Variants in LONP2 observed in about 807,000 individuals in gnomAD.
LONP2 encodes lon peptidase 2, peroxisomal.
A neutral mutation model predicts 85.6 loss-of-function variants in LONP2; 60 were observed. The ratio of observed to expected loss-of-function variants is 0.70; its 90% CI spans 0.57 to 0.87. The LOEUF is 0.87. Among genes scored for constraint, LONP2 ranks in the 40% least tolerant of loss-of-function variants. The probability of loss-of-function intolerance (pLI) is 0.00; values close to 1 mark genes in which losing one functional copy is unlikely to be tolerated. For synonymous variants in LONP2, 395 were observed against 389.7 expected (o/e 1.01, Z -0.16); for missense variants, 860 against 1,063.5 (o/e 0.81, Z 2.66).
At position 48,347,550 on chromosome 16, in the gene LONP2, C is replaced by T; in HGVS notation, c.1982C>T (p.Ala661Val). The T allele has an allele frequency of 6.2e-7, 1 of 1,614,242 alleles. No individual in the cohort carries two copies. The highest frequency in any genetic ancestry group is 1.6e-4 in the Middle Eastern group (1 of 6,062). ...LSQPGVAIGL[A>V]WTPLGGEIMF... ...CAGCCAGGAGTAGCAATAGGTTTGG[C>T]TTGGACTCCCTTAGGTGGAGAAATC... The change falls in exon 13 of 15, where the codon GCT becomes GTT. Residue 661 changes from alanine to valine, a missense_variant. Ala to Val is a moderately conservative substitution (Grantham distance 64). Transcript: ENST00000285737.
intron 12 of LONP2, among the ~76,000 whole-genome samples, chr16:48,339,529 G>C (rs139005541): frequency 8.4e-4 from 128 of 152,342 alleles, no homozygotes; most frequent in African/African-American, 2.9e-3. Flanking sequence ...GAGGCAGCTA[G>C]AAGAGAATAT....
At chr16:48,289,250 C>T (rs551724187) in intron 8 of LONP2, among the ~76,000 whole-genome samples, 2 of 152,194 alleles carry the variant, frequency 1.3e-5, no homozygotes, top group East Asian at 1.9e-4. Flanking sequence ...CTCAGGAGGT[C>T]CTGACGACAC....
intron 11 of LONP2, among the ~76,000 whole-genome samples, chr16:48,317,082 A>T (rs1419215136): frequency 1.3e-5 from 2 of 152,168 alleles, no homozygotes; most frequent in Non-Finnish European, 2.9e-5. Flanking sequence ...TACTCCCAGG[A>T]TGTAGTTCTT....
intron 12 of LONP2, chr16:48,344,771 A>C (rs1959912904): frequency 6.6e-6 from 1 of 152,144 alleles, no homozygotes; most frequent in South Asian, 2.1e-4. Context: ...AAAAAATACA[A>C]AAATTAGCTG....
intron 4 of LONP2, among the ~76,000 whole-genome samples, chr16:48,260,944 T>C (rs2150969169): frequency 6.6e-6 from 1 of 152,236 alleles, no homozygotes; most frequent in Middle Eastern, 3.4e-3. Flanking sequence ...AAGAAAAAAA[T>C]ATTTTGAAAG....
chr16:48,290,307 A>G (rs1972533322), intron 8 of LONP2, among the ~76,000 whole-genome samples: 2 of 152,196 alleles, frequency 1.3e-5, no homozygotes, highest in Non-Finnish European at 2.9e-5. Flanking sequence ...GCACTCTCAC[A>G]ACACAGAACA....
intron 11 of LONP2, among the ~76,000 whole-genome samples, chr16:48,311,975 C>T (rs1973041095): frequency 6.6e-6 from 1 of 151,788 alleles, no homozygotes; most frequent in African/African-American, 2.4e-5. Flanking sequence ...GAGTTTTACC[C>T]TGTCACCCAG....
At chr16:48,300,970 C>T (rs1262200905) in intron 10 of LONP2, among the ~76,000 whole-genome samples, 3 of 152,074 alleles carry the variant, frequency 2.0e-5, no homozygotes, top group Non-Finnish European at 4.4e-5. Flanking sequence ...CAGTTGTTAC[C>T]TAGAGAACTG....
chr16:48,334,460 A>T, intron 12 of LONP2, 102 bp downstream of exon 12: 1 of 1,400,706 alleles, frequency 7.1e-7, no homozygotes, highest in Non-Finnish European at 1.0e-6. Flanking sequence ...CCCTTTGGGG[A>T]AGGAATAGCC....
chr16:48,315,897 A>T (rs1268757019), intron 11 of LONP2, among the ~76,000 whole-genome samples: 6 of 117,954 alleles, frequency 5.1e-5, no homozygotes, highest in Admixed American at 8.2e-5. Context: ...CCAGTTTGTT[A>T]TTGCTTTCTT....
In LONP2 at chr16:48,362,762, C is replaced by G. The variant is rs75690258; in HGVS notation, c.*899C>G. The G allele has an allele frequency of 1.1e-3, 263 of 232,092 alleles. 4 individuals are homozygous for G. In the East Asian group the frequency reaches 0.031, roughly 28 times the overall value. The allele number at this position is 232,092 out of a possible 1,614,324, so 14.4% of individuals were successfully genotyped here. A position where few individuals can be genotyped will look rare whatever the true frequency, so the allele number is the denominator to read the frequency against. On this transcript the variant is annotated 3_prime_UTR_variant, in exon 5 of 5. Transcript: ENST00000565867. This position sits in a 1 kb window ranked among gnomAD's most constrained non-coding sequence, Gnocchi z 4.2. ...ACAACTAAAGAAACTATACAAGGAA[C>G]TGAAGTTTAATCGAATCCGTTTTGC...
chr16:48,250,517 GCA>G (rs1971614956), intron 1 of LONP2, among the ~76,000 whole-genome samples: 1 of 151,900 alleles, frequency 6.6e-6, no homozygotes, highest in African/African-American at 2.4e-5. Context: ...CAACTCTTTA[GCA>G]TCACCTTTTA....
At chr16:48,293,750 A>G (rs1189415345) in intron 8 of LONP2, among the ~76,000 whole-genome samples, 3 of 152,178 alleles carry the variant, frequency 2.0e-5, no homozygotes, top group Non-Finnish European at 4.4e-5. Flanking sequence ...AACCTGACTT[A>G]GCAGGATTCT....
chr16:48,261,697 TC>T, intron 5 of LONP2, 110 bp downstream of exon 5: 3 of 795,794 alleles, frequency 3.8e-6, no homozygotes, highest in Non-Finnish European at 5.6e-6. Context: ...ATACAAATCT[TC>T]CACCTGCAGT....
intron 2 of LONP2, among the ~76,000 whole-genome samples, chr16:48,255,209 G>A (rs1485205610): frequency 6.6e-6 from 1 of 152,136 alleles, no homozygotes; most frequent in Non-Finnish European, 1.5e-5. Context: ...TGAGACTAGT[G>A]GGGGTTGTGT....
At position 48,347,729 on chromosome 16, in the gene LONP2, CCGGCCAGGCA is replaced by C. The variant is rs1278358976; in HGVS notation, c.2146+16_2146+25del. On this transcript the variant is annotated intron_variant, in intron 13 of 14. Transcript: ENST00000285737. ...GCTGACCAATGGTAGGAGCCTGCACCCGGCCAGGCAGGCGTGACCCAGGAGGCGGTACCTT... is the reference window on the plus strand; with the variant it reads ...GCTGACCAATGGTAGGAGCCTGCACCGGCGTGACCCAGGAGGCGGTACCTT... The C allele has an allele frequency of 6.2e-7, 1 of 1,607,244 alleles. No individual in the cohort carries two copies. Among genetic ancestry groups the C allele is most frequent in the South Asian group, 1.1e-5 (1 of 90,618 alleles).
downstream of LONP2, among the ~76,000 whole-genome samples, chr16:48,358,268 T>TTTTCC (rs1367790538): frequency 2.0e-4 from 31 of 152,192 alleles, no homozygotes; most frequent in African/African-American, 4.8e-5. Flanking sequence ...CTTCACACAG[T>TTTTCC]TACTGGTGTC....
At chr16:48,254,080 G>T (rs1207349294) in intron 2 of LONP2, among the ~76,000 whole-genome samples, 1 of 152,012 alleles carries the variant, frequency 6.6e-6, no homozygotes, top group African/African-American at 2.4e-5. Context: ...CTTCTGTCTT[G>T]AACCTTTTCT....
At chr16:48,286,563 C>T (rs972879849) in intron 8 of LONP2, among the ~76,000 whole-genome samples, 5 of 152,018 alleles carry the variant, frequency 3.3e-5, no homozygotes, top group East Asian at 3.9e-4. Flanking sequence ...AGTGCAGTGG[C>T]GCACTCATGG....
Sources: allele counts gnomAD v4.1 joint callset (sites outside exome capture counted in the v4.1 genomes callset), GRCh38; gene constraint gnomAD v4.1.1; non-coding constraint Gnocchi (gnomAD v3.1); transcripts MANE v1.5; gene names NCBI Gene and HGNC (gene_info 2026-07-23, HGNC 2026-07-21).